DTNB: variants seen among roughly 807,000 people sequenced by gnomAD.
The protein encoded by DTNB is dystrobrevin beta.
In DTNB, 63 loss-of-function variants were observed where a neutral mutation model predicts 90.7. That is an observed-to-expected ratio of 0.69 (90% CI 0.57 to 0.86). The LOEUF (loss-of-function observed/expected upper bound fraction) is 0.86. DTNB is among the 40% of genes least tolerant of loss of function. DTNB has a pLI of 0.00. For synonymous variants in DTNB, 277 were observed against 286.7 expected, an observed-to-expected ratio of 0.97 and a Z score of 0.34; for missense variants, 744 against 807.1, an observed-to-expected ratio of 0.92 and a Z score of 0.95.
intron 9 of DTNB, among the ~76,000 whole-genome samples, chr2:25,504,335 G>A (rs1206502804): frequency 7.1e-6 from 1 of 140,452 alleles, no homozygotes; most frequent in African/African-American, 2.7e-5. Context: ...AAAGAAAGAA[G>A]GAAGGAAGGA....
At chr2:25,430,675 T>C (rs1200776797) in intron 14 of DTNB, among the ~76,000 whole-genome samples, 1 of 152,184 alleles carries the variant, frequency 6.6e-6, no homozygotes, top group African/African-American at 2.4e-5. Context: ...CACAAGGTAA[T>C]GATAAACCAA....
At chr2:25,570,205 C>T (rs566675032) in intron 8 of DTNB, among the ~76,000 whole-genome samples, 2 of 151,520 alleles carry the variant, frequency 1.3e-5, no homozygotes, top group Admixed American at 1.3e-4. Context: ...GTGCTCAGCT[C>T]AGGAGTCTGA....
intron 10 of DTNB, among the ~76,000 whole-genome samples, chr2:25,473,676 G>A (rs1367114134): frequency 2.6e-5 from 4 of 152,176 alleles, no homozygotes; most frequent in Non-Finnish European, 5.9e-5. Context: ...GAAGAATCTG[G>A]ATGACAAAAA....
intron 16 of DTNB, among the ~76,000 whole-genome samples, chr2:25,398,128 G>T (rs1341968479): frequency 6.6e-6 from 1 of 152,212 alleles, no homozygotes; most frequent in Non-Finnish European, 1.5e-5. Context: ...GATGATGGGG[G>T]ATGAGACAAG....
At chr2:25,662,155 C>CAA (rs58702026) in intron 1 of DTNB, among the ~76,000 whole-genome samples, 5 of 131,528 alleles carry the variant, frequency 3.8e-5, no homozygotes, top group African/African-American at 1.5e-4. Flanking sequence ...GACTCCGTCT[C>CAA]AAAAAAAAAA....
intron 11 of DTNB, among the ~76,000 whole-genome samples, chr2:25,452,388 C>A (rs765153957): frequency 6.6e-5 from 10 of 152,160 alleles, no homozygotes; most frequent in Non-Finnish European, 1.3e-4. Context: ...CTTTAGTATA[C>A]CAAATGCTAT....
intron 9 of DTNB, among the ~76,000 whole-genome samples, chr2:25,514,457 G>GT (rs1319022795): frequency 6.6e-6 from 1 of 152,104 alleles, no homozygotes. Context: ...GCTTTTAAGT[G>GT]TAAGGGGAAG....
At chr2:25,470,428 T>G (rs911025308) in intron 10 of DTNB, among the ~76,000 whole-genome samples, 1 of 147,460 alleles carries the variant, frequency 6.8e-6, no homozygotes, top group African/African-American at 2.5e-5. Context: ...CAGGCTGGAG[T>G]GCAGTGGTGT....
chr2:25,558,320 A>AT, intron 8 of DTNB: 1 of 985,436 alleles, frequency 1.0e-6, no homozygotes. Flanking sequence ...CAGATAAGCA[A>AT]TTCACACTAC....
At position 25,422,128 on chromosome 2, in the gene DTNB, T is replaced by G. The variant is rs544122709; in HGVS notation, c.1555-2593A>C. Among the ~76,000 whole-genome samples, 6 of 152,318 alleles carry G rather than the reference T, an allele frequency of 3.9e-5. No individual in the cohort carries two copies. The East Asian group carries it at 1.2e-3, about 29-fold the overall frequency. On this transcript the variant is annotated intron_variant, in intron 15 of 20. Transcript: ENST00000406818. ...TCAGGTGGGGTCACTAAATATTGAC[T>G]GATGACAAGGGATAGAGCCAACGTG...
chr2:25,576,861 G>T lies in DTNB; in HGVS notation c.853C>A (p.Gln285Lys). ...HAGGPHSNQH[Q>K]MKEHSSWKSP... The stretch of plus-strand genomic sequence containing the variant: ...ACCCAAGAGGAATGCTCCTTCATCT[G>T]GTGCTGGTTGCTGTGAGGGCCGCCG... Residue 285 changes from glutamine (Q) to lysine (K), a missense_variant, in exon 8 of 21, where the codon CAG becomes AAG. Coordinates refer to ENST00000406818, the MANE Select transcript of DTNB (RefSeq NM_021907.5). 6.2e-7 allele frequency: 1 copy of T among 1,612,826 alleles called. No homozygotes were observed. The highest frequency in any genetic ancestry group is 8.5e-7 in the Non-Finnish European group (1 of 1,179,386).
chr2:25,660,198 T>A (rs573671397), intron 1 of DTNB, among the ~76,000 whole-genome samples: 224 of 152,288 alleles, frequency 1.5e-3, no homozygotes, highest in African/African-American at 5.2e-3. Context: ...CTGCAGTATA[T>A]TCATACTAAT....
chr2:25,389,846 TTGTGTG>T (rs68107964), intron 16 of DTNB, among the ~76,000 whole-genome samples: 2,729 of 96,078 alleles, frequency 0.028, 88 homozygotes, highest in African/African-American at 0.096. Flanking sequence ...TTTGAATCAT[TTGTGTG>T]TGTGTGTGTG....
intron 16 of DTNB, among the ~76,000 whole-genome samples, chr2:25,413,304 T>A (rs769339517): frequency 6.6e-6 from 1 of 152,044 alleles, no homozygotes; most frequent in Non-Finnish European, 1.5e-5. Flanking sequence ...CTAGGGTACA[T>A]GTGCACAACG....
intron 10 of DTNB, among the ~76,000 whole-genome samples, chr2:25,473,987 C>A (rs2063294395): frequency 1.3e-5 from 2 of 152,206 alleles, no homozygotes; most frequent in African/African-American, 4.8e-5. Context: ...AAGCCTCAGT[C>A]CAACGCGAAG....
chr2:25,384,884 CTT>C (rs781402500), intron 18 of DTNB, among the ~76,000 whole-genome samples: 5 of 146,336 alleles, frequency 3.4e-5, no homozygotes, highest in Admixed American at 6.9e-5. Flanking sequence ...CTTTTCTTTT[CTT>C]TTTTTTTTTT....
At chr2:25,400,954 G>A (rs185953175) in intron 16 of DTNB, among the ~76,000 whole-genome samples, 4 of 152,316 alleles carry the variant, frequency 2.6e-5, no homozygotes, top group East Asian at 1.9e-4. Flanking sequence ...CTGAGAACCC[G>A]AGAAAGCTCT....
intron 8 of DTNB, among the ~76,000 whole-genome samples, chr2:25,572,662 T>G (rs1246545030): frequency 6.7e-6 from 1 of 148,434 alleles, no homozygotes; most frequent in East Asian, 2.0e-4. Context: ...GGTTTTTTGT[T>G]TTTTTTTTTT....
At chr2:25,467,956 G>T (rs2062096331) in intron 10 of DTNB, among the ~76,000 whole-genome samples, 1 of 151,972 alleles carries the variant, frequency 6.6e-6, no homozygotes, top group Non-Finnish European at 1.5e-5. Context: ...TATACACAAG[G>T]GCAGGAGTTG....
Sources: gnomAD v4.1 joint callset for allele counts (sites outside exome capture counted in the v4.1 genomes callset) on GRCh38, gnomAD v4.1.1 for gene constraint, MANE v1.5 for transcripts, NCBI Gene and HGNC (gene_info 2026-07-23, HGNC 2026-07-21) for gene names.